Variants in COL23A1 observed in about 807,000 individuals in gnomAD.
COL23A1 encodes collagen alpha-1(XXIII) chain.
COL23A1 carries 97 observed loss-of-function variants against 99.3 expected under a neutral mutation model. That is an observed-to-expected ratio of 0.98 (90% CI 0.83 to 1.16). The LOEUF (loss-of-function observed/expected upper bound fraction) is 1.16. COL23A1 is among the 50% of genes most tolerant of loss of function. COL23A1 has a pLI of 0.00. For missense variants in COL23A1, 762 were observed against 757.4 expected (o/e 1.01, Z -0.07); for synonymous variants, 320 against 308.2 (o/e 1.04, Z -0.40).
intron 2 of COL23A1, among the ~76,000 whole-genome samples, chr5:178,391,146 G>C (rs1763942637): frequency 6.6e-6 from 1 of 152,196 alleles, no homozygotes; most frequent in South Asian, 2.1e-4. Context: ...TGCATGCAAG[G>C]CATCCAGGCT....
intron 7 of COL23A1, 75 bp downstream of exon 7, chr5:178,268,655 A>T (rs1436634099): frequency 6.6e-7 from 1 of 1,518,602 alleles, no homozygotes; most frequent in Non-Finnish European, 9.0e-7. Flanking sequence ...GGCACACTGG[A>T]ACTGGCGTTC....
At chr5:178,504,939 T>C (rs1401476955) in intron 2 of COL23A1, among the ~76,000 whole-genome samples, 1 of 152,178 alleles carries the variant, frequency 6.6e-6, no homozygotes, top group African/African-American at 2.4e-5. Context: ...GCCTGACAAC[T>C]ACAAGATGGC....
At chr5:178,537,540 G>A (rs1320493619) in intron 2 of COL23A1, among the ~76,000 whole-genome samples, 5 of 152,184 alleles carry the variant, frequency 3.3e-5, no homozygotes, top group Admixed American at 6.5e-5. Context: ...CTGTGGCAGG[G>A]GGTGCTGGCA....
At chr5:178,509,163 A>C (rs537865128) in intron 2 of COL23A1, among the ~76,000 whole-genome samples, 2 of 150,618 alleles carry the variant, frequency 1.3e-5, no homozygotes, top group African/African-American at 4.9e-5. Flanking sequence ...ACTCTCAGGC[A>C]CCTCCCACCC....
chr5:178,473,932 G>A (rs551187562), intron 2 of COL23A1, among the ~76,000 whole-genome samples: 3 of 152,234 alleles, frequency 2.0e-5, no homozygotes, highest in South Asian at 4.2e-4. Flanking sequence ...CCCTTAATAG[G>A]GGTCAAATCA....
Position 178,238,429 on chromosome 5 carries a change from C to T in COL23A1, c.*269G>A, listed in dbSNP as rs1473685108. ...CCAACGTAGCATCTTTCTAGCCTTG[C>T]CCGAGCCAGGTGCTTCTACCTTCAT... On this transcript the variant is annotated 3_prime_UTR_variant, in exon 29 of 29. Transcript: ENST00000390654. 4 of 524,594 alleles carry T rather than the reference C, an allele frequency of 7.6e-6. No homozygotes were observed. Among genetic ancestry groups the T allele is most frequent in the Non-Finnish European group, 1.0e-5 (3 of 292,652 alleles). 32.5% of individuals were successfully genotyped at this position (524,594 alleles called of 1,614,324 possible).
rs1426374292 is a variant in COL23A1, at chr5:178,256,361, C to A, written c.874G>T (p.Gly292Trp). The change falls in exon 15 of 29, where the codon GGG becomes TGG. Residue 292 changes from glycine (G) to tryptophan (W), a missense_variant. Transcript: ENST00000390654. ...PGHRGTDGAA[G>W]PRGAPGLKGE... ...GAGGGGCGGCAGCTTACCCGGGGCCCTGCAGCTCCATCCGTGCCTCGGTGG... is the reference window on the plus strand; with the variant it reads ...GAGGGGCGGCAGCTTACCCGGGGCCATGCAGCTCCATCCGTGCCTCGGTGG... The A allele has an allele frequency of 6.2e-7, 1 of 1,606,530 alleles. No homozygotes were observed. Among genetic ancestry groups the A allele is most frequent in the East Asian group, 2.2e-5 (1 of 44,770 alleles).
At chr5:178,499,234 G>A (rs1045398780) in intron 2 of COL23A1, among the ~76,000 whole-genome samples, 1 of 152,166 alleles carries the variant, frequency 6.6e-6, no homozygotes, top group South Asian at 2.1e-4. Context: ...TTTTTTAAAC[G>A]CGCCTATGAA....
chr5:178,380,118 C>T (rs908568004), intron 2 of COL23A1, among the ~76,000 whole-genome samples: 12 of 152,180 alleles, frequency 7.9e-5, no homozygotes, highest in Non-Finnish European at 1.8e-4. Context: ...CTACATGTGG[C>T]CTGTTTTGCT....
rs1318502905 is a variant in COL23A1, at chr5:178,280,347, C to T, written c.441+7977G>A. Among the ~76,000 whole-genome samples, 7 of 152,148 alleles carry T rather than the reference C, an allele frequency of 4.6e-5. No homozygotes were observed. The highest frequency in any genetic ancestry group is 1.0e-4 in the Non-Finnish European group (7 of 68,046). ...GTGGGAACGGTCCCTGAACCCAGTCCGTGTGCCCAACTCTGAAGCTCTCCT... is the reference window on the plus strand; with the variant it reads ...GTGGGAACGGTCCCTGAACCCAGTCTGTGTGCCCAACTCTGAAGCTCTCCT... On this transcript the variant is annotated intron_variant, in intron 5 of 28. Coordinates refer to ENST00000390654, the MANE Select transcript of COL23A1 (RefSeq NM_173465.4). This position sits in a 1 kb window ranked among gnomAD's most constrained non-coding sequence, Gnocchi z 4.9.
chr5:178,536,822 T>C (rs925598669), intron 2 of COL23A1, among the ~76,000 whole-genome samples: 8 of 152,144 alleles, frequency 5.3e-5, no homozygotes, highest in Non-Finnish European at 1.2e-4. Context: ...GGATGCACAT[T>C]TGGGTCAGAG....
intron 2 of COL23A1, among the ~76,000 whole-genome samples, chr5:178,352,821 G>A (rs182314368): frequency 4.3e-4 from 65 of 152,316 alleles, no homozygotes; most frequent in Non-Finnish European, 7.3e-4. Flanking sequence ...TCTCACACTT[G>A]TGTAGAACCA....
chr5:178,491,335 T>C (rs1281993464), intron 2 of COL23A1, among the ~76,000 whole-genome samples: 1 of 152,022 alleles, frequency 6.6e-6, no homozygotes, highest in East Asian at 1.9e-4. Flanking sequence ...TCTCCTTCTG[T>C]CCTCCATTAC....
rs73349037 is a variant in COL23A1, at chr5:178,374,168, G to A, written c.362-67249C>T. On this transcript the variant is annotated intron_variant, in intron 2 of 28. Transcript: ENST00000390654. ...TCTGCTGAATAGATCACAGAGTAAT[G>A]AGTACATTAATGGTGGCAGCAAGGG... Among the ~76,000 whole-genome samples the A allele has an allele frequency of 4.3e-3, 660 of 152,280 alleles. 4 individuals carry two copies. The highest frequency in any genetic ancestry group is 0.015 in the African/African-American group (630 of 41,554).
At chr5:178,419,602 G>A (rs953880795) in intron 2 of COL23A1, among the ~76,000 whole-genome samples, 2 of 152,226 alleles carry the variant, frequency 1.3e-5, no homozygotes, top group East Asian at 3.8e-4. Flanking sequence ...TGCTGGCCCA[G>A]TCCCTAATGT....
At chr5:178,452,477 A>C (rs6881003) in intron 2 of COL23A1, among the ~76,000 whole-genome samples, 56,108 of 151,998 alleles carry the variant, frequency 0.37, 10,638 homozygotes, top group East Asian at 0.57. Context: ...AAGAGAAAAG[A>C]CTGATAAAAT....
At chr5:178,283,330 A>C (rs80253824) in intron 5 of COL23A1, among the ~76,000 whole-genome samples, 5,003 of 152,180 alleles carry the variant, frequency 0.033, 117 homozygotes, top group Non-Finnish European at 0.045. Context: ...CTCCTGCCAC[A>C]CTGACCTTGA....
chr5:178,414,737 A>G (rs1765218623), intron 2 of COL23A1, among the ~76,000 whole-genome samples: 1 of 152,198 alleles, frequency 6.6e-6, no homozygotes, highest in South Asian at 2.1e-4. Context: ...ACACTACTAC[A>G]CTCCAGCATG....
At chr5:178,400,659 T>C (rs1466726935) in intron 2 of COL23A1, among the ~76,000 whole-genome samples, 2 of 152,016 alleles carry the variant, frequency 1.3e-5, no homozygotes, top group Non-Finnish European at 2.9e-5. Context: ...ACTTTTTTTT[T>C]TTTTGAGATG....
Sources: gnomAD v4.1 joint callset for allele counts (sites outside exome capture counted in the v4.1 genomes callset) on GRCh38, gnomAD v4.1.1 for gene constraint, Gnocchi (gnomAD v3.1) non-coding constraint, MANE v1.5 for transcripts, NCBI Gene and HGNC (gene_info 2026-07-23, HGNC 2026-07-21) for gene names.